The following SUSD5 variants were observed in gnomAD, a reference collection of about 807,000 sequenced individuals.
SUSD5 encodes sushi domain-containing protein 5.
In SUSD5, 33 loss-of-function variants were observed where a neutral mutation model predicts 29.5. That is an observed-to-expected ratio of 1.12 (90% CI 0.85 to 1.49). The LOEUF is 1.49. Ranked by LOEUF, SUSD5 falls within the 40% of genes most tolerant of loss-of-function variation. The pLI, the probability that SUSD5 is intolerant of heterozygous loss-of-function variation, is 0.00. For missense variants in SUSD5, 776 were observed against 800.6 expected, an observed-to-expected ratio of 0.97 and a Z score of 0.37; for synonymous variants, 308 against 325.3, an observed-to-expected ratio of 0.95 and a Z score of 0.57.
At position 33,152,820 on chromosome 3, in the gene SUSD5, CTT is replaced by C; in HGVS notation, c.1810_1811del (p.Lys604GlufsTer72). The stretch of plus-strand genomic sequence containing the variant: ...CAACATTCAGCTTGTACACAGAGCT[CTT>C]GTGCTGGCACTTGCGGTAGCCCCAC... ...MVWGYRKCQHKSSVYKLNVGQ... is the reference protein window; with the variant it reads ...MVWGYRKCQHXSSVYKLNVGQ... On this transcript the variant is annotated frameshift_variant, in exon 5 of 5. Coordinates refer to ENST00000309558, the MANE Select transcript of SUSD5 (RefSeq NM_015551.2). LOFTEE classifies it high-confidence loss of function. 1 of 1,613,998 alleles carries C rather than the reference CTT, an allele frequency of 6.2e-7. No individual in the cohort carries two copies. Among genetic ancestry groups the C allele is most frequent in the Non-Finnish European group, 8.5e-7 (1 of 1,179,898 alleles).
At chr3:33,216,019 G>A (rs571907775) in intron 1 of SUSD5, among the ~76,000 whole-genome samples, 1 of 152,132 alleles carries the variant, frequency 6.6e-6, no homozygotes, top group African/African-American at 2.4e-5. Flanking sequence ...AAAACGGAAA[G>A]CAGACACACA....
At chr3:33,196,065 C>A (rs2031989576) in intron 3 of SUSD5, among the ~76,000 whole-genome samples, 1 of 152,240 alleles carries the variant, frequency 6.6e-6, no homozygotes, top group East Asian at 1.9e-4. Flanking sequence ...TGAATAAAAA[C>A]CAGCTCCATT....
chr3:33,205,378 T>G (rs1054349562), intron 3 of SUSD5, among the ~76,000 whole-genome samples: 1 of 152,214 alleles, frequency 6.6e-6, no homozygotes, highest in African/African-American at 2.4e-5. Flanking sequence ...AAGAGTAGGA[T>G]GTTCTTCAAT....
intron 3 of SUSD5, among the ~76,000 whole-genome samples, chr3:33,179,633 T>C (rs1442967538): frequency 6.6e-6 from 1 of 152,250 alleles, no homozygotes; most frequent in African/African-American, 2.4e-5. Flanking sequence ...GCTATAATAG[T>C]ATTTCCAAGT....
chr3:33,208,030 G>A, intron 2 of SUSD5, 104 bp from the exon 3 acceptor site: 3 of 801,904 alleles, frequency 3.7e-6, no homozygotes, highest in Non-Finnish European at 4.0e-6. Flanking sequence ...AGATTTTTCT[G>A]ATTCATGAGC....
chr3:33,200,675 C>G (rs907914648), intron 3 of SUSD5, among the ~76,000 whole-genome samples: 13 of 152,174 alleles, frequency 8.5e-5, no homozygotes, highest in Admixed American at 5.2e-4. Context: ...CATACAATAC[C>G]TAAACAACTC....
At chr3:33,166,596 C>G (rs995157212) in intron 4 of SUSD5, among the ~76,000 whole-genome samples, 1 of 152,170 alleles carries the variant, frequency 6.6e-6, no homozygotes, top group African/African-American at 2.4e-5. Flanking sequence ...CAGGAACTTC[C>G]TGAGAACAAG....
intron 3 of SUSD5, among the ~76,000 whole-genome samples, chr3:33,183,930 CTTTTTTTTTTTTT>C (rs68055129): frequency 0.19 from 11,927 of 63,384 alleles, 1,030 homozygotes; most frequent in East Asian, 0.28. Flanking sequence ...TTATTACCCT[CTTTTTTTTTTTTT>C]TTTTTTTTTT....
chr3:33,163,101 C>T (rs1031745029), intron 4 of SUSD5, among the ~76,000 whole-genome samples: 10 of 152,132 alleles, frequency 6.6e-5, no homozygotes, highest in African/African-American at 2.2e-4. Flanking sequence ...CCAATGAATT[C>T]CATCAAATGT....
At chr3:33,180,552 T>G (rs2031646947) in intron 3 of SUSD5, among the ~76,000 whole-genome samples, 1 of 151,986 alleles carries the variant, frequency 6.6e-6, no homozygotes, top group South Asian at 2.1e-4. Context: ...TTTGGCCAGG[T>G]GCAGTGGCTC....
In SUSD5 at chr3:33,207,821, A is replaced by G; in HGVS notation, c.396T>C (p.Cys132=). The G allele has an allele frequency of 6.2e-7, 1 of 1,612,472 alleles. No homozygotes were observed. Residue 132 remains cysteine (C), a synonymous_variant, in exon 3 of 5, where the codon TGT becomes TGC. Transcript: ENST00000309558. ...TCTGGCACTGACCTTCATCCTTAAT[A>G]CAAAGGGCACTGTATGTGCCACCAG... ...PVPGGTYSAL[C]IKDEEKPCGD...
intron 3 of SUSD5, among the ~76,000 whole-genome samples, chr3:33,185,635 A>G (rs1184909603): frequency 6.6e-6 from 1 of 152,220 alleles, no homozygotes; most frequent in African/African-American, 2.4e-5. Context: ...TGGATGTGTC[A>G]GTTTGTTCAG....
intron 3 of SUSD5, among the ~76,000 whole-genome samples, chr3:33,207,030 C>T (rs2032235025): frequency 6.6e-6 from 1 of 152,028 alleles, no homozygotes; most frequent in South Asian, 2.1e-4. Context: ...CCTTTTACAA[C>T]CGTATGTGTT....
At chr3:33,178,449 GT>G (rs1190415829) in intron 3 of SUSD5, among the ~76,000 whole-genome samples, 4 of 112,944 alleles carry the variant, frequency 3.5e-5, no homozygotes, top group Non-Finnish European at 4.2e-5. Context: ...TTTTTTTGTT[GT>G]TGTTTTGTTT....
rs911306292 is a variant in SUSD5, at chr3:33,167,860, C to G, written c.598+7026G>C. ...GCTTTCCTGAGTCTGCACTCTGACT[C>G]AGATCATTCAGCCATCCTTCTAGCT... On this transcript the variant is annotated intron_variant, in intron 4 of 4. Coordinates refer to ENST00000309558, the MANE Select transcript of SUSD5 (RefSeq NM_015551.2). The surrounding 1 kb of genome is among the most constrained non-coding windows in gnomAD (Gnocchi z 4.1). Among the ~76,000 whole-genome samples, 3 of 152,196 alleles carry G rather than the reference C, an allele frequency of 2.0e-5. No homozygotes were observed.
chr3:33,212,061 A>G (rs777838807), intron 2 of SUSD5, among the ~76,000 whole-genome samples: 14 of 152,188 alleles, frequency 9.2e-5, no homozygotes, highest in Admixed American at 3.3e-4. Flanking sequence ...ATAGTTAACA[A>G]TAACATATCA....
intron 3 of SUSD5, among the ~76,000 whole-genome samples, chr3:33,191,456 C>A (rs2031890022): frequency 6.6e-6 from 1 of 151,772 alleles, no homozygotes; most frequent in Non-Finnish European, 1.5e-5. Context: ...CCCTGTTGAT[C>A]TGTCTGTTGT....
chr3:33,207,724 G>T, intron 3 of SUSD5, 84 bp downstream of exon 3: 1 of 846,442 alleles, frequency 1.2e-6, no homozygotes, highest in Non-Finnish European at 1.8e-6. Context: ...CTCACTTCAA[G>T]GTTTTCTTCT....
chr3:33,156,724 G>A (rs2031062758), intron 4 of SUSD5, among the ~76,000 whole-genome samples: 1 of 152,170 alleles, frequency 6.6e-6, no homozygotes, highest in Admixed American at 6.5e-5. Flanking sequence ...GTGCATTCCT[G>A]GGCTCTGAAA....
Sources: gnomAD v4.1 joint callset for allele counts (sites outside exome capture counted in the v4.1 genomes callset) on GRCh38, gnomAD v4.1.1 for gene constraint, Gnocchi (gnomAD v3.1) non-coding constraint, MANE v1.5 for transcripts, NCBI Gene and HGNC (gene_info 2026-07-23, HGNC 2026-07-21) for gene names.